CCSER1: variants seen among roughly 807,000 people sequenced by gnomAD.
The protein encoded by CCSER1 is coiled-coil serine rich protein 1.
CCSER1 carries 41 observed loss-of-function variants against 82.0 expected under a neutral mutation model. That is an observed-to-expected ratio of 0.50 (90% CI 0.39 to 0.65). CCSER1 has a LOEUF of 0.65. Ranked by LOEUF, CCSER1 falls within the 30% of genes least tolerant of loss-of-function variation. CCSER1 has a pLI of 0.00. For missense variants in CCSER1, 1,119 were observed against 1,064.2 expected (o/e 1.05, Z -0.72); for synonymous variants, 414 against 383.9 (o/e 1.08, Z -0.92).
At chr4:90,806,701 A>G (rs1339315123) in intron 7 of CCSER1, among the ~76,000 whole-genome samples, 1 of 152,064 alleles carries the variant, frequency 6.6e-6, no homozygotes, top group Non-Finnish European at 1.5e-5. Flanking sequence ...GCACTCCCCA[A>G]CCAATGAGTG....
intron 3 of CCSER1, among the ~76,000 whole-genome samples, chr4:90,329,920 TATA>T (rs1354103757): frequency 1.3e-5 from 2 of 152,178 alleles, no homozygotes; most frequent in Non-Finnish European, 2.9e-5. Flanking sequence ...ATGTAACTTA[TATA>T]ATAACTCGAT....
chr4:91,285,641 T>C (rs1022272147), intron 10 of CCSER1, among the ~76,000 whole-genome samples: 23 of 151,894 alleles, frequency 1.5e-4, no homozygotes, highest in Non-Finnish European at 2.7e-4. Context: ...TTTACCAATA[T>C]GTACCACGAT....
intron 3 of CCSER1, among the ~76,000 whole-genome samples, chr4:90,347,353 A>C (rs190794349): frequency 6.3e-4 from 66 of 103,946 alleles, no homozygotes; most frequent in African/African-American, 2.1e-3. Flanking sequence ...ATCTATCTAT[A>C]TACTTTATTG....
intron 1 of CCSER1, among the ~76,000 whole-genome samples, chr4:90,132,993 G>A (rs1723064126): frequency 6.6e-6 from 1 of 152,076 alleles, no homozygotes; most frequent in Admixed American, 6.6e-5. Context: ...GTATAAACTT[G>A]TTAAAATGCC....
chr4:91,020,100 TA>T (rs1253549851), intron 9 of CCSER1, among the ~76,000 whole-genome samples: 1 of 152,108 alleles, frequency 6.6e-6, no homozygotes, highest in African/African-American at 2.4e-5. Flanking sequence ...AAACAATGAA[TA>T]AAAATAGCCA....
At chr4:90,182,779 C>T (rs1189142873) in intron 1 of CCSER1, among the ~76,000 whole-genome samples, 1 of 152,008 alleles carries the variant, frequency 6.6e-6, no homozygotes, top group Non-Finnish European at 1.5e-5. Context: ...GAAATGTACA[C>T]CTAACTAATA....
intron 10 of CCSER1, among the ~76,000 whole-genome samples, chr4:91,401,993 T>A (rs895598194): frequency 6.6e-6 from 1 of 152,248 alleles, no homozygotes; most frequent in African/African-American, 2.4e-5. Context: ...CCACAATGGT[T>A]GAACTAGTTT....
At chr4:91,116,548 C>G (rs1726621567) in intron 10 of CCSER1, among the ~76,000 whole-genome samples, 1 of 152,178 alleles carries the variant, frequency 6.6e-6, no homozygotes, top group African/African-American at 2.4e-5. Context: ...GTTGTGGTAT[C>G]TACTTCATAG....
At chr4:91,112,268 G>C (rs1329360638) in intron 10 of CCSER1, among the ~76,000 whole-genome samples, 1 of 151,964 alleles carries the variant, frequency 6.6e-6, no homozygotes, top group African/African-American at 2.4e-5. Context: ...TCTTTGTCTT[G>C]TAGGCCTTCC....
rs139921695 is a variant in CCSER1 at position 90,446,556 on chromosome 4, G to T, written c.1604-21678G>T. On this transcript the variant is annotated intron_variant, in intron 4 of 10. Transcript: ENST00000509176. Reference sequence around the variant, plus strand: ...GCAAGGAAGGAGCAGAGAAAAGGAAGATGTAGGGGAAAGAGGGAGGAGAAG... The same window carrying T: ...GCAAGGAAGGAGCAGAGAAAAGGAATATGTAGGGGAAAGAGGGAGGAGAAG... Among the ~76,000 whole-genome samples, 62 of 152,244 alleles carry T rather than the reference G, an allele frequency of 4.1e-4. 1 individual carries two copies. The East Asian group carries it at 8.9e-3, about 22-fold the overall frequency.
chr4:90,255,266 A>G (rs533969626), intron 1 of CCSER1, among the ~76,000 whole-genome samples: 12 of 152,152 alleles, frequency 7.9e-5, no homozygotes, highest in South Asian at 2.1e-4. Flanking sequence ...GCATAACCAT[A>G]TATTTTTTTT....
At chr4:91,203,245 A>G (rs1197691056) in intron 10 of CCSER1, among the ~76,000 whole-genome samples, 3 of 152,054 alleles carry the variant, frequency 2.0e-5, no homozygotes, top group Admixed American at 1.3e-4. Flanking sequence ...TCTGATGGCC[A>G]GTGATGCTGA....
chr4:91,219,524 A>G (rs1359526082), intron 10 of CCSER1, among the ~76,000 whole-genome samples: 4 of 151,948 alleles, frequency 2.6e-5, no homozygotes, highest in African/African-American at 9.7e-5. Context: ...GCTGGTCTCG[A>G]ACTCCTGACC....
intron 9 of CCSER1, among the ~76,000 whole-genome samples, chr4:91,066,559 A>G (rs1720835011): frequency 6.6e-6 from 1 of 152,236 alleles, no homozygotes; most frequent in African/African-American, 2.4e-5. Flanking sequence ...AAAAATAAGG[A>G]GAAAGTAACA....
chr4:90,191,254 G>T (rs2153396572), intron 1 of CCSER1, among the ~76,000 whole-genome samples: 1 of 151,974 alleles, frequency 6.6e-6, no homozygotes, highest in Non-Finnish European at 1.5e-5. Flanking sequence ...TTCTCCCTGT[G>T]TTTCGGGCCA....
chr4:91,247,459 G>A (rs1739887802), intron 10 of CCSER1, among the ~76,000 whole-genome samples: 1 of 152,292 alleles, frequency 6.6e-6, no homozygotes, highest in Middle Eastern at 3.4e-3. Flanking sequence ...TTAGCTAAGT[G>A]GGTTATTAGA....
intron 10 of CCSER1, among the ~76,000 whole-genome samples, chr4:91,253,805 AGG>A (rs1338273136): frequency 7.9e-5 from 12 of 152,280 alleles, no homozygotes; most frequent in African/African-American, 2.9e-4. Context: ...TCATGGCAGA[AGG>A]CAAAGTGGGA....
chr4:90,910,061 A>G (rs1726096444), intron 8 of CCSER1, among the ~76,000 whole-genome samples: 1 of 152,168 alleles, frequency 6.6e-6, no homozygotes, highest in African/African-American at 2.4e-5. Context: ...TGATGGAAGG[A>G]GAAGGGGAAG....
chr4:91,045,819 A>G lies in CCSER1; in HGVS notation c.2173-40131A>G, dbSNP rs181626045. Reference sequence around the variant, plus strand: ...ATGCATCCGTGTGAAGAGACCACCAAACAGGCTTTGTGTGAGCAATAAAGC... The same window carrying G: ...ATGCATCCGTGTGAAGAGACCACCAGACAGGCTTTGTGTGAGCAATAAAGC... On this transcript the variant is annotated intron_variant, in intron 9 of 10. Transcript: ENST00000509176. Among the ~76,000 whole-genome samples, 910 of 152,214 alleles carry G rather than the reference A, an allele frequency of 6.0e-3. 4 individuals carry two copies. The highest frequency in any genetic ancestry group is 0.021 in the African/African-American group (867 of 41,546).
Sources: gnomAD v4.1 joint callset for allele counts (sites outside exome capture counted in the v4.1 genomes callset) on GRCh38, gnomAD v4.1.1 for gene constraint, MANE v1.5 for transcripts, NCBI Gene and HGNC (gene_info 2026-07-23, HGNC 2026-07-21) for gene names.